The following MSR1 variants were observed in gnomAD, a reference collection of about 807,000 sequenced individuals.
The protein encoded by MSR1 is macrophage scavenger receptor types I and II.
Under a neutral mutation model 47.2 loss-of-function variants are expected in MSR1, and 53 were observed. The observed-to-expected ratio is 1.12, with a 90% CI of 0.90 to 1.41. The LOEUF (loss-of-function observed/expected upper bound fraction) is 1.41. Among genes scored for constraint, MSR1 ranks in the 40% most tolerant of loss-of-function variants. The pLI, the probability that MSR1 is intolerant of heterozygous loss-of-function variation, is 0.00. For missense variants in MSR1, 786 were observed against 546.9 expected (o/e 1.44, Z -4.36); for synonymous variants, 239 against 185.6 (o/e 1.29, Z -2.34).
In MSR1 at chr8:16,146,501, G is replaced by A. The variant is rs351556; in HGVS notation, c.980-2890C>T. ...ACCCTTATCAACCATTCCCTTCTCC[G>A]CATACCCTAATCTGGTTATCACCCC... On this transcript the variant is annotated intron_variant, in intron 7 of 9. Transcript: ENST00000262101. 3.3e-3 allele frequency among the ~76,000 whole-genome samples: 503 copies of A among 151,960 alleles called. 5 individuals carry two copies. The highest frequency in any genetic ancestry group is 5.7e-3 in the Non-Finnish European group (385 of 67,944).
At chr8:16,169,939 G>A (rs917887667) in intron 3 of MSR1, among the ~76,000 whole-genome samples, 2 of 152,060 alleles carry the variant, frequency 1.3e-5, no homozygotes, top group Non-Finnish European at 2.9e-5. Context: ...CTGAGCTGCT[G>A]ATAGATATCC....
intron 4 of MSR1, among the ~76,000 whole-genome samples, chr8:16,164,909 T>C (rs1801261999): frequency 6.6e-6 from 1 of 152,094 alleles, no homozygotes; most frequent in Non-Finnish European, 1.5e-5. Context: ...ACCTATATCC[T>C]GGAATATGCT....
At chr8:16,161,357 A>G (rs351574) in intron 5 of MSR1, among the ~76,000 whole-genome samples, 2,904 of 152,118 alleles carry the variant, frequency 0.019, 92 homozygotes, top group African/African-American at 0.066. Context: ...TGGCTAGTTA[A>G]GAAGCAAGGA....
At chr8:16,178,053 T>C in intron 1 of MSR1, 61 bp from the exon 2 acceptor site, 1 of 1,310,510 alleles carries the variant, frequency 7.6e-7, no homozygotes, top group Non-Finnish European at 1.1e-6. Context: ...CTCTTTTGCA[T>C]AATGTTTTAA....
chr8:16,179,271 T>G (rs1220152211), intron 1 of MSR1, among the ~76,000 whole-genome samples: 1 of 152,172 alleles, frequency 6.6e-6, no homozygotes, highest in Non-Finnish European at 1.5e-5. Flanking sequence ...AAGTCAATTT[T>G]CCCAGATAAT....
intron 8 of MSR1, chr8:16,139,761 AAAAAAAAAAAAAAATATATATAT>A (rs1563147846): frequency 9.1e-5 from 15 of 164,156 alleles, no homozygotes; most frequent in Admixed American, 9.2e-4. Context: ...AAAAAAAAAA[AAAAAAAAAAAAAAATATATATAT>A]ATATATATAT....
intron 1 of MSR1, among the ~76,000 whole-genome samples, chr8:16,186,891 A>G (rs1802016106): frequency 6.6e-6 from 1 of 152,034 alleles, no homozygotes. Context: ...TTGGCATTAC[A>G]CACATGAGCT....
At chr8:16,133,078 G>C (rs75180170) in intron 8 of MSR1, among the ~76,000 whole-genome samples, 3,470 of 152,124 alleles carry the variant, frequency 0.023, 127 homozygotes, top group African/African-American at 0.079. Flanking sequence ...TTATTGATTT[G>C]CAAACTTTTC....
rs760516074 is a variant in MSR1 at position 16,168,527 on chromosome 8, C to G, written c.561G>C (p.Leu187Phe). The G allele has an allele frequency of 6.2e-7, 1 of 1,614,118 alleles. No individual in the cohort carries two copies. The highest frequency in any genetic ancestry group is 2.2e-5 in the East Asian group (1 of 44,846). Residue 187 changes from leucine (L) to phenylalanine (F), a missense_variant, in exon 4 of 10, where the codon TTG becomes TTC. Leu to Phe is a conservative substitution (Grantham distance 22). Coordinates refer to ENST00000262101, the MANE Select transcript of MSR1 (RefSeq NM_138715.3). The part of the protein sequence containing the change: ...SKSLISLNTT[L>F]LDLQLNIENL... ...TTTCTATGTTGAGCTGCAAATCAAG[C>G]AATGTGGTATTCAAACTTATTAAGG...
intron 9 of MSR1, among the ~76,000 whole-genome samples, chr8:16,115,414 A>G (rs1460671022): frequency 1.3e-5 from 2 of 152,068 alleles, no homozygotes; most frequent in Non-Finnish European, 2.9e-5. Context: ...AAGGTGGAGG[A>G]GTGAAAAAAT....
chr8:16,153,693 T>G (rs796615290), intron 6 of MSR1, among the ~76,000 whole-genome samples: 18 of 152,144 alleles, frequency 1.2e-4, no homozygotes, highest in African/African-American at 4.3e-4. Context: ...TCTCCCAAGA[T>G]GAAGCACTGT....
At chr8:16,160,022 C>T (rs1257286426) in intron 5 of MSR1, among the ~76,000 whole-genome samples, 4 of 151,836 alleles carry the variant, frequency 2.6e-5, no homozygotes, top group East Asian at 1.9e-4. Flanking sequence ...AAAAGACAAG[C>T]GAGGGAATGA....
At chr8:16,152,564 G>C (rs796183369) in intron 6 of MSR1, among the ~76,000 whole-genome samples, 21 of 152,204 alleles carry the variant, frequency 1.4e-4, no homozygotes, top group African/African-American at 5.1e-4. Context: ...GAAGCCTTCA[G>C]TTCTCTCGAG....
chr8:16,142,419 AAGAC>A (rs1032586037), intron 8 of MSR1, among the ~76,000 whole-genome samples: 1 of 152,160 alleles, frequency 6.6e-6, no homozygotes, highest in Non-Finnish European at 1.5e-5. Flanking sequence ...GAATGGAGAA[AAGAC>A]AGACAGATTA....
chr8:16,167,746 G>A (rs34069166), intron 4 of MSR1, among the ~76,000 whole-genome samples: 1 of 152,044 alleles, frequency 6.6e-6, no homozygotes, highest in Non-Finnish European at 1.5e-5. Flanking sequence ...CTTAATCAAT[G>A]TCTATCCTGA....
intron 1 of MSR1, among the ~76,000 whole-genome samples, chr8:16,182,141 C>T (rs1801850959): frequency 6.6e-6 from 1 of 152,172 alleles, no homozygotes; most frequent in South Asian, 2.1e-4. Context: ...TGTGCTGAAT[C>T]CTGTAGGCAG....
At chr8:16,131,184 A>G (rs1235707088) in intron 8 of MSR1, among the ~76,000 whole-genome samples, 1 of 152,094 alleles carries the variant, frequency 6.6e-6, no homozygotes, top group African/African-American at 2.4e-5. Flanking sequence ...CCATTCTGAC[A>G]GGTGTGAGGT....
intron 1 of MSR1, among the ~76,000 whole-genome samples, chr8:16,181,286 G>T (rs9650394): frequency 6.6e-6 from 1 of 152,074 alleles, no homozygotes; most frequent in African/African-American, 2.4e-5. Flanking sequence ...CTTCCACAAT[G>T]GTTGAACTAA....
intron 7 of MSR1, among the ~76,000 whole-genome samples, chr8:16,144,191 G>A (rs1052160671): frequency 6.6e-6 from 1 of 152,082 alleles, no homozygotes; most frequent in African/African-American, 2.4e-5. Flanking sequence ...TATTTCATAT[G>A]AGGGTCAGGG....
Sources: gnomAD v4.1 joint callset for allele counts (sites outside exome capture counted in the v4.1 genomes callset) on GRCh38, gnomAD v4.1.1 for gene constraint, MANE v1.5 for transcripts, NCBI Gene and HGNC (gene_info 2026-07-23, HGNC 2026-07-21) for gene names.